TCEA1: variants seen among roughly 807,000 people sequenced by gnomAD.
TCEA1 encodes the protein transcription elongation factor A protein 1.
A neutral mutation model predicts 43.8 loss-of-function variants in TCEA1; 21 were observed. That is an observed-to-expected ratio of 0.48 (90% CI 0.34 to 0.69). The LOEUF (loss-of-function observed/expected upper bound fraction) is 0.69. Ranked by LOEUF, TCEA1 falls within the 30% of genes least tolerant of loss-of-function variation. The pLI is 0.01. For synonymous variants in TCEA1, 104 were observed against 117.5 expected (o/e 0.88, Z 0.75); for missense variants, 250 against 365.1 (o/e 0.68, Z 2.57).
chr8:53,997,729 T>C (rs1004832905), intron 3 of TCEA1, among the ~76,000 whole-genome samples: 1 of 152,076 alleles, frequency 6.6e-6, no homozygotes, highest in Non-Finnish European at 1.5e-5. Flanking sequence ...TGAGACTCTG[T>C]CTCAAATTAG....
chr8:54,000,221 T>TCAAA (rs1804213512), intron 2 of TCEA1, among the ~76,000 whole-genome samples, 171 bp from the exon 3 acceptor site: 1 of 152,200 alleles, frequency 6.6e-6, no homozygotes, highest in Non-Finnish European at 1.5e-5. Context: ...CATCTTCAGA[T>TCAAA]CAAACACTAG....
chr8:54,014,448 T>TA (rs1007497790), intron 1 of TCEA1, among the ~76,000 whole-genome samples: 10 of 151,222 alleles, frequency 6.6e-5, no homozygotes, highest in East Asian at 3.9e-4. Context: ...CACCTCTATT[T>TA]AAAAAAAAAG....
chr8:54,013,164 T>G (rs529796289), intron 1 of TCEA1, among the ~76,000 whole-genome samples: 1 of 152,292 alleles, frequency 6.6e-6, no homozygotes, highest in South Asian at 2.1e-4. Flanking sequence ...ATATCAGCAA[T>G]GAGACATACA....
intron 1 of TCEA1, among the ~76,000 whole-genome samples, chr8:54,019,601 T>A (rs1264976066): frequency 6.0e-5 from 9 of 148,962 alleles, no homozygotes; most frequent in Non-Finnish European, 1.3e-4. Flanking sequence ...TTTTTCATAA[T>A]ATAAAACATT....
chr8:53,981,166 T>C (rs376346456), intron 7 of TCEA1, among the ~76,000 whole-genome samples: 16 of 152,284 alleles, frequency 1.1e-4, no homozygotes, highest in African/African-American at 2.6e-4. Flanking sequence ...CATAACATAG[T>C]ACAAAATGCA....
Position 53,966,852 on chromosome 8 carries a change from G to A in TCEA1, c.*1252C>T, listed in dbSNP as rs1270495995. The A allele has an allele frequency of 2.5e-5, 5 of 203,220 alleles. No homozygotes were observed. Among genetic ancestry groups the A allele is most frequent in the African/African-American group, 9.2e-5 (4 of 43,482 alleles). The allele number at this position is 203,220 out of a possible 1,614,324, so 12.6% of individuals were successfully genotyped here. On this transcript the variant is annotated 3_prime_UTR_variant, in exon 10 of 10. Transcript: ENST00000521604. Reference sequence around the variant, plus strand: ...CATGTACTGAGGTCTTTCTACGGGTGCCTGACAGAATGCAGATTCAGCATA... The same window carrying A: ...CATGTACTGAGGTCTTTCTACGGGTACCTGACAGAATGCAGATTCAGCATA...
chr8:53,989,378 G>A (rs1369303263), intron 4 of TCEA1, among the ~76,000 whole-genome samples: 1 of 152,134 alleles, frequency 6.6e-6, no homozygotes, highest in Non-Finnish European at 1.5e-5. Context: ...CCTTTTCAAA[G>A]ACTGATTAAA....
chr8:54,020,041 A>G (rs1373606918), intron 1 of TCEA1, among the ~76,000 whole-genome samples: 1 of 152,232 alleles, frequency 6.6e-6, no homozygotes, highest in Non-Finnish European at 1.5e-5. Flanking sequence ...TGAGAACTGC[A>G]GATAAATATG....
At position 54,008,464 on chromosome 8, in the gene TCEA1, G is replaced by A. The variant is rs563081986; in HGVS notation, c.126+1966C>T. Among the ~76,000 whole-genome samples, 245 of 151,960 alleles carry A rather than the reference G, an allele frequency of 1.6e-3. 3 individuals are homozygous for A. Among genetic ancestry groups the A allele is most frequent in the East Asian group, 4.6e-3 (24 of 5,170 alleles). ...TTCAAGACCAGCCTGGGCAACAAAG[G>A]GAGAACCCCGTCTCTAAAAAAAAAA... On this transcript the variant is annotated intron_variant, in intron 2 of 9. Transcript: ENST00000521604.
chr8:53,974,961 A>G (rs929477648), intron 8 of TCEA1, among the ~76,000 whole-genome samples: 1 of 152,108 alleles, frequency 6.6e-6, no homozygotes, highest in African/African-American at 2.4e-5. Flanking sequence ...TGGGAGCAGG[A>G]GGCAGATTTA....
chr8:54,013,623 G>C lies in TCEA1; in HGVS notation c.64-3131C>G, dbSNP rs540785665. Among the ~76,000 whole-genome samples the C allele has an allele frequency of 4.4e-5, 6 of 135,180 alleles. No homozygotes were observed. The South Asian group carries it at 1.4e-3, about 33-fold the overall frequency. The allele number at this position is 135,180 out of a possible 152,430, so 88.7% of individuals were successfully genotyped here. ...TTGAACCCAGGAGGCGGAGGTTGCA[G>C]TGAGCCGAGATCGTGCCACTGCACT... On this transcript the variant is annotated intron_variant, in intron 1 of 9. Coordinates refer to ENST00000521604, the MANE Select transcript of TCEA1 (RefSeq NM_006756.4).
chr8:53,973,064 T>C (rs1462294387), intron 8 of TCEA1: 1 of 670,276 alleles, frequency 1.5e-6, no homozygotes, highest in Non-Finnish European at 2.9e-6. Context: ...TGGACATGGA[T>C]TTTCAAGACT....
At position 54,000,002 on chromosome 8, in the gene TCEA1, C is replaced by T; in HGVS notation, c.175G>A (p.Asp59Asn). The change falls in exon 3 of 10, where the codon GAT becomes AAT. Residue 59 changes from aspartate (D) to asparagine (N), a missense_variant. This residue lies in a region of TCEA1 where 27 missense variants were observed against 63.1 expected (regional missense o/e 0.43). Transcript: ENST00000521604. The part of the protein sequence containing the change: ...SVNAIRKQST[D>N]EEVTSLAKSL... Reference sequence around the variant, plus strand: ...TTTGCCAAAGATGTAACTTCCTCATCTGTACTCTGCTTGCGAATAGCATTA... The same window carrying T: ...TTTGCCAAAGATGTAACTTCCTCATTTGTACTCTGCTTGCGAATAGCATTA... 6.2e-7 allele frequency: 1 copy of T among 1,603,906 alleles called. No individual in the cohort carries two copies. The highest frequency in any genetic ancestry group is 8.5e-7 in the Non-Finnish European group (1 of 1,174,764).
At position 53,977,059 on chromosome 8, in the gene TCEA1, C is replaced by T. The variant is rs191212810; in HGVS notation, c.825+1966G>A. Among the ~76,000 whole-genome samples, 746 of 152,348 alleles carry T rather than the reference C, an allele frequency of 4.9e-3. 10 individuals are homozygous for T. Among genetic ancestry groups the T allele is most frequent in the South Asian group, 8.9e-3 (43 of 4,828 alleles). On this transcript the variant is annotated intron_variant, in intron 8 of 9. Transcript: ENST00000521604. ...CAAAGGCTGGGCGTGGTGGCTCACG[C>T]CTGTAATCCCAGCACTTTGGGAGGC... is the stretch of plus-strand genomic sequence containing the variant.
chr8:54,009,220 T>C (rs1804573936), intron 2 of TCEA1, among the ~76,000 whole-genome samples: 1 of 150,342 alleles, frequency 6.7e-6, no homozygotes, highest in Admixed American at 6.6e-5. Flanking sequence ...ACTCATACAC[T>C]GTTAATGGGA....
intron 1 of TCEA1, 88 bp downstream of exon 1, chr8:54,021,975 G>T: frequency 7.9e-7 from 1 of 1,272,816 alleles, no homozygotes; most frequent in Non-Finnish European, 1.0e-6. Context: ...TGCAGGGGGA[G>T]GGGAGGGAGA....
At chr8:54,010,164 G>C in intron 2 of TCEA1, 1 of 349,524 alleles carries the variant, frequency 2.9e-6, no homozygotes, top group Non-Finnish European at 5.1e-6. Flanking sequence ...TCAGGGCCAA[G>C]AATCCAACTT....
intron 2 of TCEA1, among the ~76,000 whole-genome samples, chr8:54,004,642 G>A (rs958916659): frequency 2.0e-5 from 3 of 152,096 alleles, no homozygotes; most frequent in Admixed American, 1.3e-4. Flanking sequence ...TGGGGGGAAC[G>A]GAGAATGACT....
At chr8:53,991,385 T>C (rs371126581) in intron 4 of TCEA1, among the ~76,000 whole-genome samples, 11 of 140,658 alleles carry the variant, frequency 7.8e-5, no homozygotes, top group African/African-American at 3.0e-4. Context: ...AGAGCAAGAC[T>C]CCGTCTCAAA....
Sources: gnomAD v4.1 joint callset for allele counts (sites outside exome capture counted in the v4.1 genomes callset) on GRCh38, gnomAD v4.1.1 for gene constraint, gnomAD v4.1.1 regional missense constraint, MANE v1.5 for transcripts, NCBI Gene and HGNC (gene_info 2026-07-23, HGNC 2026-07-21) for gene names.